The following EPHA7 variants were observed in gnomAD, a reference collection of about 807,000 sequenced individuals.
EPHA7 encodes the protein ephrin type-A receptor 7.
In EPHA7, 25 loss-of-function variants were observed where a neutral mutation model predicts 112.6. That is an observed-to-expected ratio of 0.22 (90% CI 0.16 to 0.31). The LOEUF is 0.31. Among genes scored for constraint, EPHA7 ranks in the 10% least tolerant of loss-of-function variants. EPHA7 has a pLI of 1.00. For synonymous variants in EPHA7, 437 were observed against 406.5 expected (o/e 1.07, Z -0.90); for missense variants, 962 against 1,212.6 (o/e 0.79, Z 3.07).
chr6:93,395,608 C>CAA (rs1582662361), intron 3 of EPHA7, among the ~76,000 whole-genome samples: 2 of 150,884 alleles, frequency 1.3e-5, no homozygotes, highest in East Asian at 3.9e-4. Context: ...CACACACACA[C>CAA]ACACATCTGT....
chr6:93,414,862 A>G, intron 1 of EPHA7, 95 bp from the exon 2 acceptor site: 1 of 935,412 alleles, frequency 1.1e-6, no homozygotes, highest in East Asian at 2.5e-5. Flanking sequence ...AACTATCACT[A>G]TATGACTTAA....
intron 4 of EPHA7, among the ~76,000 whole-genome samples, chr6:93,357,542 C>A (rs1475266844): frequency 2.0e-5 from 3 of 152,094 alleles, no homozygotes; most frequent in African/African-American, 7.2e-5. Flanking sequence ...ATTGAAGAAC[C>A]AAGATGTGAG....
At chr6:93,344,587 T>C (rs1192626751) in intron 5 of EPHA7, among the ~76,000 whole-genome samples, 1 of 151,684 alleles carries the variant, frequency 6.6e-6, no homozygotes, top group Non-Finnish European at 1.5e-5. Flanking sequence ...ACGTATGCCA[T>C]AGTGTCAGGC....
At chr6:93,285,581 C>A (rs905188445) in intron 5 of EPHA7, among the ~76,000 whole-genome samples, 1 of 151,260 alleles carries the variant, frequency 6.6e-6, no homozygotes, top group Non-Finnish European at 1.5e-5. Context: ...AGAGAAAAAC[C>A]AAGACAAAGA....
At chr6:93,376,234 T>C (rs1169982716) in intron 3 of EPHA7, among the ~76,000 whole-genome samples, 1 of 152,080 alleles carries the variant, frequency 6.6e-6, no homozygotes, top group African/African-American at 2.4e-5. Flanking sequence ...CCTCAATTGC[T>C]GAGGCTCAAG....
chr6:93,328,073 C>CAAAGG (rs1288534663), intron 5 of EPHA7, among the ~76,000 whole-genome samples: 11 of 151,484 alleles, frequency 7.3e-5, no homozygotes, highest in Non-Finnish European at 1.3e-4. Context: ...GCTAAACATG[C>CAAAGG]TCTTTCCTTG....
intron 1 of EPHA7, among the ~76,000 whole-genome samples, chr6:93,415,110 T>G (rs1354935985): frequency 1.3e-5 from 2 of 152,012 alleles, no homozygotes; most frequent in African/African-American, 4.8e-5. Flanking sequence ...CTGTTCAAAT[T>G]TGTCAAATAC....
At chr6:93,382,111 ATGT>A (rs1582635490) in intron 3 of EPHA7, among the ~76,000 whole-genome samples, 1 of 152,162 alleles carries the variant, frequency 6.6e-6, no homozygotes, top group Non-Finnish European at 1.5e-5. Context: ...AACCTCTCAA[ATGT>A]TGTTATCTCA....
At chr6:93,341,521 A>T (rs1428701523) in intron 5 of EPHA7, among the ~76,000 whole-genome samples, 2 of 151,888 alleles carry the variant, frequency 1.3e-5, no homozygotes, top group African/African-American at 4.8e-5. Context: ...GTATCTATTA[A>T]TTCAGAATAA....
chr6:93,344,117 A>G (rs1028188972), intron 5 of EPHA7, among the ~76,000 whole-genome samples: 3 of 143,118 alleles, frequency 2.1e-5, no homozygotes, highest in Admixed American at 1.4e-4. Context: ...ATGTCTATCT[A>G]TCTATCTATC....
At chr6:93,303,665 G>A (rs867840485) in intron 5 of EPHA7, among the ~76,000 whole-genome samples, 5 of 152,070 alleles carry the variant, frequency 3.3e-5, no homozygotes, top group South Asian at 4.1e-4. Flanking sequence ...TCTGCTCTGC[G>A]TTTTAAAATT....
chr6:93,257,555 G>A (rs771659962), intron 11 of EPHA7, 32 bp from the exon 12 acceptor site: 29 of 1,460,478 alleles, frequency 2.0e-5, no homozygotes, highest in African/African-American at 5.6e-5. Context: ...TTCAGGAGTC[G>A]TAACCTGAGC....
chr6:93,401,904 C>A (rs960499907), intron 3 of EPHA7, among the ~76,000 whole-genome samples: 1 of 151,894 alleles, frequency 6.6e-6, no homozygotes, highest in Non-Finnish European at 1.5e-5. Flanking sequence ...ACAATATCAT[C>A]ATGAATATTT....
At chr6:93,404,509 C>T (rs1296494321) in intron 3 of EPHA7, among the ~76,000 whole-genome samples, 2 of 151,584 alleles carry the variant, frequency 1.3e-5, no homozygotes, top group Admixed American at 6.6e-5. Context: ...GTACTTAACC[C>T]AAAGTAACTA....
At chr6:93,267,428 C>T (rs560955088) in intron 7 of EPHA7, among the ~76,000 whole-genome samples, 8 of 151,798 alleles carry the variant, frequency 5.3e-5, no homozygotes, top group South Asian at 2.1e-4. Flanking sequence ...GATTTGAAAC[C>T]AGGCAGCTCT....
At chr6:93,341,257 A>G (rs1775121498) in intron 5 of EPHA7, among the ~76,000 whole-genome samples, 1 of 151,930 alleles carries the variant, frequency 6.6e-6, no homozygotes, top group Non-Finnish European at 1.5e-5. Context: ...ATTCTCAGAG[A>G]AGCAAAATAT....
chr6:93,260,598 T>C (rs1346430888), intron 9 of EPHA7: 2 of 965,206 alleles, frequency 2.1e-6, no homozygotes, highest in East Asian at 1.1e-4. Flanking sequence ...GCTTATGTCA[T>C]CACATTAAAA....
chr6:93,403,066 G>A (rs1483823909), intron 3 of EPHA7, among the ~76,000 whole-genome samples: 1 of 152,010 alleles, frequency 6.6e-6, no homozygotes, highest in African/African-American at 2.4e-5. Context: ...TCTTGTTTAT[G>A]TTTGCTAATT....
intron 5 of EPHA7, among the ~76,000 whole-genome samples, chr6:93,342,511 C>T (rs1465242798): frequency 6.6e-6 from 1 of 151,608 alleles, no homozygotes; most frequent in Non-Finnish European, 1.5e-5. Flanking sequence ...CCCTAGGGTG[C>T]AATTCTTACA....
Sources: allele counts gnomAD v4.1 joint callset (sites outside exome capture counted in the v4.1 genomes callset), GRCh38; gene constraint gnomAD v4.1.1; transcripts MANE v1.5; gene names NCBI Gene and HGNC (gene_info 2026-07-23, HGNC 2026-07-21).